EYS: variants seen among roughly 807,000 people sequenced by gnomAD.
EYS encodes EGF-like photoreceptor maintenance factor, also known as protein eyes shut homolog.
In EYS, 250 loss-of-function variants were observed where a neutral mutation model predicts 282.1. That is an observed-to-expected ratio of 0.89 (90% confidence interval 0.80 to 0.98). EYS has a LOEUF of 0.98. EYS is among the 50% of genes least tolerant of loss of function. EYS has a pLI of 0.00. For synonymous variants in EYS, 1,355 were observed against 1,282.9 expected (o/e 1.06, Z -1.20); for missense variants, 4,016 against 3,709.0 (o/e 1.08, Z -2.15).
At chr6:64,391,473 A>G (rs1773138008) in intron 28 of EYS, among the ~76,000 whole-genome samples, 1 of 151,734 alleles carries the variant, frequency 6.6e-6, no homozygotes, top group South Asian at 2.1e-4. Context: ...CCAATATTCA[A>G]CATTCTTAAA....
intron 36 of EYS, among the ~76,000 whole-genome samples, chr6:63,840,211 CTTATTATTA>C (rs377459471): frequency 1.4e-5 from 2 of 140,448 alleles, no homozygotes; most frequent in Non-Finnish European, 1.5e-5. Flanking sequence ...CCATGCCCAT[CTTATTATTA>C]TTATTATTAT....
At chr6:65,620,013 C>A (rs999421493) in intron 2 of EYS, among the ~76,000 whole-genome samples, 3 of 151,986 alleles carry the variant, frequency 2.0e-5, no homozygotes, top group African/African-American at 7.3e-5. Context: ...GTCTAAAATT[C>A]TCTTTTTATG....
chr6:65,500,374 T>C (rs1439506134), intron 2 of EYS, among the ~76,000 whole-genome samples: 4 of 151,956 alleles, frequency 2.6e-5, no homozygotes, highest in Non-Finnish European at 5.9e-5. Context: ...AAGAAAAGGG[T>C]TTTCAGAATT....
At chr6:65,317,891 A>G in intron 11 of EYS, among the ~76,000 whole-genome samples, 1 of 109,738 alleles carries the variant, frequency 9.1e-6, no homozygotes. Flanking sequence ...TCTTTCAGAC[A>G]GAGTCTCCCT....
intron 5 of EYS, among the ~76,000 whole-genome samples, chr6:65,463,554 G>T (rs1359860941): frequency 6.6e-6 from 1 of 152,022 alleles, no homozygotes; most frequent in Non-Finnish European, 1.5e-5. Context: ...ATACATATTT[G>T]TTCAATGCCA....
At chr6:64,989,442 G>T (rs1583366281) in intron 14 of EYS, among the ~76,000 whole-genome samples, 1 of 68,944 alleles carries the variant, frequency 1.5e-5, no homozygotes, top group African/African-American at 9.4e-5. Context: ...ACAGGAAGAG[G>T]CTATTTACTG....
rs1296857194 is a variant in EYS at position 63,864,196 on chromosome 6, G to T, written c.7218C>A (p.Leu2406=). The T allele has an allele frequency of 6.5e-7, 1 of 1,534,164 alleles. No homozygotes were observed. The highest frequency in any genetic ancestry group is 2.5e-5 in the East Asian group (1 of 40,630). Residue 2406 remains leucine (L), a synonymous_variant, in exon 36 of 43, where the codon CTC becomes CTA. Coordinates refer to ENST00000503581, the MANE Select transcript of EYS (RefSeq NM_001142800.2). ...ATCAAATGCTCTTACCATCAGTGCA[G>T]AGGGGTCCAGACCTCCCATATGGGC... ...CLCPYGRSGP[L]CTDAINITQP...
rs575570859 is a variant in EYS, at chr6:64,356,733, G to A, written c.6078+31957C>T. On this transcript the variant is annotated intron_variant, in intron 29 of 42. Transcript: ENST00000503581. ...ATCCAGTGTTTGCCAAATACACACAGTTTCGAAGAAATATGCAACATTGTT... is the reference window on the plus strand; with the variant it reads ...ATCCAGTGTTTGCCAAATACACACAATTTCGAAGAAATATGCAACATTGTT... 4.0e-5 allele frequency among the ~76,000 whole-genome samples: 6 copies of A among 151,746 alleles called. No homozygotes were observed. The South Asian group carries it at 8.3e-4, about 21-fold the overall frequency.
At chr6:65,460,438 T>C (rs1030508687) in intron 5 of EYS, among the ~76,000 whole-genome samples, 1 of 152,038 alleles carries the variant, frequency 6.6e-6, no homozygotes, top group Non-Finnish European at 1.5e-5. Context: ...TTTGAGAACA[T>C]ATGGTACAGA....
At chr6:64,967,379 C>T (rs1770135026) in intron 14 of EYS, among the ~76,000 whole-genome samples, 1 of 151,422 alleles carries the variant, frequency 6.6e-6, no homozygotes, top group Non-Finnish European at 1.5e-5. Context: ...AGCTGGAGTG[C>T]AGTGGCATGA....
intron 1 of EYS, among the ~76,000 whole-genome samples, chr6:65,701,765 T>C (rs1769685138): frequency 6.6e-6 from 1 of 152,188 alleles, no homozygotes; most frequent in South Asian, 2.1e-4. Context: ...ACCTAGAATG[T>C]GCAGGGAATA....
intron 31 of EYS, 148 bp downstream of exon 31, chr6:64,230,444 G>A (rs377279448): frequency 9.8e-5 from 47 of 477,410 alleles, no homozygotes; most frequent in African/African-American, 7.4e-4. Flanking sequence ...GAAAGTATTC[G>A]ATCAGAATTC....
At chr6:65,150,512 C>A (rs1022775974) in intron 12 of EYS, among the ~76,000 whole-genome samples, 1 of 151,758 alleles carries the variant, frequency 6.6e-6, no homozygotes, top group African/African-American at 2.4e-5. Context: ...CCCAGAATAC[C>A]AGTATATTTA....
intron 35 of EYS, among the ~76,000 whole-genome samples, chr6:63,968,328 C>T (rs1766400444): frequency 6.6e-6 from 1 of 152,040 alleles, no homozygotes; most frequent in Admixed American, 6.6e-5. Flanking sequence ...AAATACAATT[C>T]TTTATTTTCG....
At chr6:64,660,639 T>G (rs1010173484) in intron 22 of EYS, among the ~76,000 whole-genome samples, 1 of 152,170 alleles carries the variant, frequency 6.6e-6, no homozygotes, top group East Asian at 1.9e-4. Context: ...CATTCACAAT[T>G]GTTTCAAAGA....
At chr6:65,629,230 C>T (rs1766826376) in intron 2 of EYS, among the ~76,000 whole-genome samples, 1 of 152,108 alleles carries the variant, frequency 6.6e-6, no homozygotes, top group Non-Finnish European at 1.5e-5. Flanking sequence ...AGAGTCATAT[C>T]ATTAAAAGAA....
At chr6:64,947,580 C>T (rs2150097224) in intron 14 of EYS, among the ~76,000 whole-genome samples, 1 of 151,406 alleles carries the variant, frequency 6.6e-6, no homozygotes, top group Middle Eastern at 3.5e-3. Flanking sequence ...TACCATGCTC[C>T]CTACATTGTT....
At chr6:65,686,961 A>T (rs1484973509) in intron 1 of EYS, among the ~76,000 whole-genome samples, 5 of 152,040 alleles carry the variant, frequency 3.3e-5, no homozygotes, top group African/African-American at 1.2e-4. Flanking sequence ...CGATTTTATT[A>T]GAACACAAAA....
intron 31 of EYS, among the ~76,000 whole-genome samples, chr6:64,104,872 AC>A (rs1772954313): frequency 6.6e-6 from 1 of 151,980 alleles, no homozygotes. Context: ...ACGACCATCA[AC>A]AGCCTTTTAA....
Sources: allele counts gnomAD v4.1 joint callset (sites outside exome capture counted in the v4.1 genomes callset), GRCh38; gene constraint gnomAD v4.1.1; transcripts MANE v1.5; gene names NCBI Gene and HGNC (gene_info 2026-07-23, HGNC 2026-07-21).